The following GNPTAB variants were observed in gnomAD, a reference collection of about 807,000 sequenced individuals.
GNPTAB encodes N-acetylglucosamine-1-phosphate transferase subunits alpha and beta.
In GNPTAB, 92 loss-of-function variants were observed where a neutral mutation model predicts 136.6. That is an observed-to-expected ratio of 0.67 (90% CI 0.57 to 0.80). GNPTAB has a LOEUF of 0.80. GNPTAB is among the 30% of genes least tolerant of loss of function. The probability of loss-of-function intolerance (pLI) is 0.00; values close to 1 mark genes in which losing one functional copy is unlikely to be tolerated. For missense variants in GNPTAB, 1,343 were observed against 1,501.8 expected (o/e 0.89, Z 1.75); for synonymous variants, 512 against 535.1 (o/e 0.96, Z 0.60).
chr12:101,766,095 C>A lies in GNPTAB; in HGVS notation c.1608G>T (p.Gly536=), dbSNP rs756994411. ...TTTGTTTGGCAGTAAACATACCTTG[C>A]CCACAGTCGCCAGCATCAAACCCAC... ...LSCGFDAGDC[G]QDHFHELYKV... Residue 536 remains glycine, a synonymous_variant, in exon 12 of 21, where the codon GGG becomes GGT. Coordinates refer to ENST00000299314, the MANE Select transcript of GNPTAB (RefSeq NM_024312.5). 1 of 1,613,658 alleles carries A rather than the reference C, an allele frequency of 6.2e-7. No homozygotes were observed. Among genetic ancestry groups the A allele is most frequent in the South Asian group, 1.1e-5 (1 of 91,072 alleles).
At chr12:101,752,853 A>T (rs1325697847) in intron 19 of GNPTAB, among the ~76,000 whole-genome samples, 3 of 152,208 alleles carry the variant, frequency 2.0e-5, no homozygotes, top group East Asian at 3.8e-4. Flanking sequence ...CCAGTTACAC[A>T]TTTTTTCAAA....
At chr12:101,792,254 C>T (rs1274115060) in intron 2 of GNPTAB, among the ~76,000 whole-genome samples, 4 of 152,104 alleles carry the variant, frequency 2.6e-5, no homozygotes, top group East Asian at 1.9e-4. Flanking sequence ...CTGAGGCAGG[C>T]GCCTATCTTG....
At chr12:101,813,393 C>G (rs1355348985) in intron 1 of GNPTAB, among the ~76,000 whole-genome samples, 1 of 152,172 alleles carries the variant, frequency 6.6e-6, no homozygotes, top group African/African-American at 2.4e-5. Context: ...TAACCTGATA[C>G]AGGCTCTTCA....
intron 18 of GNPTAB, chr12:101,756,227 G>A: frequency 6.1e-6 from 1 of 164,206 alleles, no homozygotes; most frequent in South Asian, 1.3e-4. Flanking sequence ...GGTGTTAAAG[G>A]TATTTTTATT....
chr12:101,798,618 CAAACAT>C (rs1250308965), intron 1 of GNPTAB, among the ~76,000 whole-genome samples: 1 of 152,144 alleles, frequency 6.6e-6, no homozygotes, highest in Admixed American at 6.5e-5. Context: ...GAGAGGTAAA[CAAACAT>C]AAAAATGCAG....
chr12:101,829,796 C>T (rs906874004), intron 1 of GNPTAB, among the ~76,000 whole-genome samples: 1 of 152,016 alleles, frequency 6.6e-6, no homozygotes, highest in Non-Finnish European at 1.5e-5. Context: ...GAATTCATGC[C>T]ATATAATTTA....
chr12:101,830,135 G>A (rs1384618701), intron 1 of GNPTAB, among the ~76,000 whole-genome samples: 2 of 152,158 alleles, frequency 1.3e-5, no homozygotes, highest in East Asian at 1.9e-4. Context: ...GCTCATGCCT[G>A]TAACCCCAGC....
At chr12:101,757,824 G>A (rs1952926030) in intron 16 of GNPTAB, among the ~76,000 whole-genome samples, 167 bp from the exon 17 acceptor site, 1 of 152,060 alleles carries the variant, frequency 6.6e-6, no homozygotes. Flanking sequence ...GAACATACTG[G>A]CAAACAATTA....
chr12:101,798,750 A>G (rs1869442785), intron 1 of GNPTAB, among the ~76,000 whole-genome samples: 1 of 152,202 alleles, frequency 6.6e-6, no homozygotes, highest in Admixed American at 6.5e-5. Flanking sequence ...CTGTAGTGAC[A>G]CTAATTATCT....
At chr12:101,756,101 A>G (rs1156526026) in intron 18 of GNPTAB, 1 of 152,744 alleles carries the variant, frequency 6.5e-6, no homozygotes, top group Non-Finnish European at 1.5e-5. Context: ...GGAACAGCAT[A>G]TGCAAAGAGG....
At chr12:101,818,001 C>G (rs900228723) in intron 1 of GNPTAB, among the ~76,000 whole-genome samples, 4 of 152,204 alleles carry the variant, frequency 2.6e-5, no homozygotes, top group African/African-American at 9.6e-5. Flanking sequence ...AGGATGAATT[C>G]ACATTCCTTA....
At chr12:101,798,718 C>T (rs1386895167) in intron 1 of GNPTAB, among the ~76,000 whole-genome samples, 5 of 152,168 alleles carry the variant, frequency 3.3e-5, no homozygotes, top group East Asian at 1.9e-4. Context: ...ACTATTGCAG[C>T]GAGCTCACAT....
intron 1 of GNPTAB, among the ~76,000 whole-genome samples, chr12:101,829,106 G>C (rs577908866): frequency 6.6e-6 from 1 of 152,268 alleles, no homozygotes; most frequent in East Asian, 1.9e-4. Flanking sequence ...CTTATGATCT[G>C]TGGCCATTTC....
chr12:101,806,056 A>G (rs1434342814), intron 1 of GNPTAB, among the ~76,000 whole-genome samples: 3 of 152,350 alleles, frequency 2.0e-5, no homozygotes, highest in Middle Eastern at 3.4e-3. Flanking sequence ...TTCTCAGTCA[A>G]TAAATATTAT....
chr12:101,752,159 C>T (rs993859524), intron 19 of GNPTAB, among the ~76,000 whole-genome samples: 17 of 152,174 alleles, frequency 1.1e-4, no homozygotes, highest in Non-Finnish European at 2.9e-5. Context: ...TACGGTGGCT[C>T]AGGCCTGTAA....
chr12:101,808,697 A>G (rs1336829940), intron 1 of GNPTAB, among the ~76,000 whole-genome samples: 1 of 152,254 alleles, frequency 6.6e-6, no homozygotes, highest in Non-Finnish European at 1.5e-5. Flanking sequence ...CTGTAATCCC[A>G]GCACTTTGGG....
chr12:101,746,957 G>C lies in GNPTAB; in HGVS notation c.*207C>G, dbSNP rs546034103. 6 of 569,456 alleles carry C rather than the reference G, an allele frequency of 1.1e-5. No homozygotes were observed. The highest frequency in any genetic ancestry group is 1.0e-4 in the South Asian group (5 of 50,234). The allele number at this position is 569,456 out of a possible 1,614,324, so 35.3% of individuals were successfully genotyped here. A position where few individuals can be genotyped will look rare whatever the true frequency, so the allele number is the denominator to read the frequency against. Reference sequence around the variant, plus strand: ...ATTCTTTAAAAGTAAAATCAGTTCAGAGCTGCTCAACACACAAGTTTTCAG... The same window carrying C: ...ATTCTTTAAAAGTAAAATCAGTTCACAGCTGCTCAACACACAAGTTTTCAG... On this transcript the variant is annotated 3_prime_UTR_variant, in exon 21 of 21. Transcript: ENST00000299314.
intron 7 of GNPTAB, among the ~76,000 whole-genome samples, chr12:101,772,959 G>C (rs1953201379): frequency 6.6e-6 from 1 of 152,120 alleles, no homozygotes; most frequent in Non-Finnish European, 1.5e-5. Flanking sequence ...TGGGATTACA[G>C]GCAAGCACCA....
chr12:101,780,840 T>C (rs934481041), intron 5 of GNPTAB, among the ~76,000 whole-genome samples: 1 of 152,146 alleles, frequency 6.6e-6, no homozygotes, highest in Non-Finnish European at 1.5e-5. Context: ...CCAAAGGTGA[T>C]TGACATAAAG....
Sources: gnomAD v4.1 joint callset for allele counts (sites outside exome capture counted in the v4.1 genomes callset) on GRCh38, gnomAD v4.1.1 for gene constraint, MANE v1.5 for transcripts, NCBI Gene and HGNC (gene_info 2026-07-23, HGNC 2026-07-21) for gene names.